The following CTNNA2 variants were observed in gnomAD, a reference collection of about 807,000 sequenced individuals.
CTNNA2 encodes catenin alpha-2.
In CTNNA2, 42 loss-of-function variants were observed where a neutral mutation model predicts 101.0. That is an observed-to-expected ratio of 0.42 (90% CI 0.32 to 0.54). The LOEUF is 0.54. Among genes scored for constraint, CTNNA2 ranks in the 20% least tolerant of loss-of-function variants. CTNNA2 has a pLI of 0.14. For synonymous variants in CTNNA2, 450 were observed against 456.4 expected (o/e 0.99, Z 0.18); for missense variants, 871 against 1,223.1 (o/e 0.71, Z 4.29).
chr2:79,588,010 T>C (rs1286671775), intron 1 of CTNNA2, among the ~76,000 whole-genome samples: 1 of 152,190 alleles, frequency 6.6e-6, no homozygotes, highest in Non-Finnish European at 1.5e-5. Context: ...GTAAATAAAG[T>C]GATGTCTTAA....
chr2:80,176,823 A>G (rs1043104152), intron 7 of CTNNA2, among the ~76,000 whole-genome samples: 1 of 152,100 alleles, frequency 6.6e-6, no homozygotes, highest in African/African-American at 2.4e-5. Flanking sequence ...TTGCCTGTTG[A>G]CTTAGAGGTA....
intron 7 of CTNNA2, among the ~76,000 whole-genome samples, chr2:80,349,778 C>T (rs1052410707): frequency 2.6e-5 from 4 of 152,060 alleles, no homozygotes; most frequent in African/African-American, 7.2e-5. Flanking sequence ...CCTTAGCCTC[C>T]GGAGTTGCTG....
At chr2:80,009,754 GAGAGAGAGAC>G (rs1558724873) in intron 7 of CTNNA2, among the ~76,000 whole-genome samples, 5 of 139,446 alleles carry the variant, frequency 3.6e-5, no homozygotes, top group African/African-American at 1.0e-4. Flanking sequence ...GTGTGTGTCA[GAGAGAGAGAC>G]AGAGAGAGAC....
rs184214169 is a variant in CTNNA2 at position 80,058,171 on chromosome 2, G to A, written c.1056+148374G>A. 9.8e-4 allele frequency among the ~76,000 whole-genome samples: 149 copies of A among 152,328 alleles called. 1 individual carries two copies. The highest frequency in any genetic ancestry group is 3.4e-3 in the Middle Eastern group (1 of 294). ...TGCTCTGCAGTTTCTCTTGAGAGCT[G>A]TAATAGGATACTGGGTCTTCTTGTC... On this transcript the variant is annotated intron_variant, in intron 7 of 18. Transcript: ENST00000402739.
chr2:79,511,576 C>T (rs568879620), upstream of CTNNA2, among the ~76,000 whole-genome samples: 1 of 152,208 alleles, frequency 6.6e-6, no homozygotes, highest in Admixed American at 6.5e-5. Context: ...AGCCAATATC[C>T]GGTGACTCCT....
chr2:80,434,858 A>G (rs568391823), intron 9 of CTNNA2, among the ~76,000 whole-genome samples: 1 of 152,280 alleles, frequency 6.6e-6, no homozygotes, highest in South Asian at 2.1e-4. Flanking sequence ...GCAATATGTC[A>G]GGGCACTATG....
intron 7 of CTNNA2, among the ~76,000 whole-genome samples, chr2:80,161,660 A>G (rs1704329099): frequency 6.6e-6 from 1 of 152,192 alleles, no homozygotes; most frequent in African/African-American, 2.4e-5. Context: ...TAAAGGCTTC[A>G]TGAATCTTTT....
intron 9 of CTNNA2, among the ~76,000 whole-genome samples, chr2:80,518,317 A>T (rs1689261287): frequency 6.6e-6 from 1 of 152,168 alleles, no homozygotes; most frequent in Non-Finnish European, 1.5e-5. Flanking sequence ...TCATTTCCCC[A>T]ATCTGTCAAG....
At chr2:79,277,016 T>C (rs1675228737) in intron 2 of CTNNA2, among the ~76,000 whole-genome samples, 1 of 152,036 alleles carries the variant, frequency 6.6e-6, no homozygotes, top group Non-Finnish European at 1.5e-5. Context: ...GTAAGACCCA[T>C]CCACCGAGTT....
At chr2:79,289,298 G>A (rs577125395) in intron 2 of CTNNA2, among the ~76,000 whole-genome samples, 35 of 152,254 alleles carry the variant, frequency 2.3e-4, no homozygotes, top group Middle Eastern at 3.4e-3. Flanking sequence ...GTTTTGTTTT[G>A]TTTTGTTTCT....
intron 7 of CTNNA2, among the ~76,000 whole-genome samples, chr2:80,270,191 T>C (rs993589510): frequency 6.6e-6 from 1 of 152,244 alleles, no homozygotes. Flanking sequence ...TGCACTCATT[T>C]ATGCTTCCTG....
At chr2:79,278,127 C>T (rs558136587) in intron 2 of CTNNA2, among the ~76,000 whole-genome samples, 2 of 152,236 alleles carry the variant, frequency 1.3e-5, no homozygotes, top group African/African-American at 4.8e-5. Flanking sequence ...AACATCGGCT[C>T]TTGCTCCTAC....
At chr2:80,541,355 G>A (rs910010699) in intron 9 of CTNNA2, among the ~76,000 whole-genome samples, 2 of 152,264 alleles carry the variant, frequency 1.3e-5, no homozygotes, top group East Asian at 3.9e-4. Context: ...AGGATTTATG[G>A]ATCAGTACAA....
chr2:79,469,678 A>C (rs1670977652), intron 4 of CTNNA2, among the ~76,000 whole-genome samples: 1 of 152,192 alleles, frequency 6.6e-6, no homozygotes, highest in African/African-American at 2.4e-5. Context: ...AAGCTTATCC[A>C]CCATGATCAA....
intron 3 of CTNNA2, among the ~76,000 whole-genome samples, chr2:79,370,622 TCTTAA>T (rs1446181585): frequency 6.6e-6 from 1 of 152,064 alleles, no homozygotes; most frequent in Non-Finnish European, 1.5e-5. Flanking sequence ...AAAGCAATGA[TCTTAA>T]CTTTTTTTTT....
chr2:80,041,145 C>T lies in CTNNA2; in HGVS notation c.1056+131348C>T, dbSNP rs17417872. Among the ~76,000 whole-genome samples the T allele has an allele frequency of 8.2e-3, 1,253 of 152,066 alleles. 15 individuals are homozygous for T. Among genetic ancestry groups the T allele is most frequent in the African/African-American group, 0.029 (1,192 of 41,472 alleles). On this transcript the variant is annotated intron_variant, in intron 7 of 18. Transcript: ENST00000402739. Reference sequence around the variant, plus strand: ...TATATATTTATGATACGTACTGTGGCTGAGAAAATCATGAGTGATTTAAAT... The same window carrying T: ...TATATATTTATGATACGTACTGTGGTTGAGAAAATCATGAGTGATTTAAAT...
chr2:79,435,896 A>G (rs1678708240), intron 4 of CTNNA2, among the ~76,000 whole-genome samples: 1 of 152,170 alleles, frequency 6.6e-6, no homozygotes, highest in Non-Finnish European at 1.5e-5. Flanking sequence ...TGAGCAGAAC[A>G]TTTCTTAGAT....
At chr2:80,075,399 A>C (rs1698608340) in intron 7 of CTNNA2, among the ~76,000 whole-genome samples, 1 of 151,748 alleles carries the variant, frequency 6.6e-6, no homozygotes, top group Non-Finnish European at 1.5e-5. Flanking sequence ...ATTCTCTCTT[A>C]GTGTCTCATT....
In CTNNA2 at chr2:79,742,430, T is replaced by A. The variant is rs796070500; in HGVS notation, c.103-1957T>A. ...CACATCTCAGTGAGAATAGGGAGTA[T>A]TTTCCTCTGATAAAAGGAGCCTGGC... On this transcript the variant is annotated intron_variant, in intron 2 of 18. Coordinates refer to ENST00000402739, the MANE Select transcript of CTNNA2 (RefSeq NM_001282597.3). 3.9e-4 allele frequency among the ~76,000 whole-genome samples: 59 copies of A among 152,288 alleles called. 1 individual carries two copies. Among genetic ancestry groups the A allele is most frequent in the African/African-American group, 1.2e-3 (50 of 41,568 alleles).
Sources: gnomAD v4.1 joint callset for allele counts (sites outside exome capture counted in the v4.1 genomes callset) on GRCh38, gnomAD v4.1.1 for gene constraint, MANE v1.5 for transcripts, NCBI Gene and HGNC (gene_info 2026-07-23, HGNC 2026-07-21) for gene names.